LOC400499: variants seen among roughly 807,000 people sequenced by gnomAD.
At chr16:11,483,007 T>C in the LOC400499 span, among the ~76,000 whole-genome samples, 6 of 152,208 alleles carry the variant, frequency 3.9e-5, no homozygotes, top group South Asian at 1.2e-3. Flanking sequence ...GCAAAAGATT[T>C]GAATGTACAT....
the LOC400499 span, among the ~76,000 whole-genome samples, chr16:11,421,252 G>C: frequency 1.3e-5 from 2 of 152,160 alleles, no homozygotes; most frequent in African/African-American, 4.8e-5. Context: ...GGAAAACTGA[G>C]GCCTGAGCCC....
the LOC400499 span, chr16:11,448,010 G>A: frequency 2.0e-6 from 3 of 1,536,078 alleles, no homozygotes; most frequent in East Asian, 4.9e-5. Flanking sequence ...TCCAACTGCA[G>A]GCCCCGAGGC....
chr16:11,402,850 G>C, the LOC400499 span, among the ~76,000 whole-genome samples: 1 of 152,084 alleles, frequency 6.6e-6, no homozygotes, highest in African/African-American at 2.4e-5. Context: ...GCTGATGGGG[G>C]CAGCCGCAAC....
the LOC400499 span, chr16:11,399,444 T>G: frequency 2.5e-6 from 1 of 405,776 alleles, no homozygotes; most frequent in Non-Finnish European, 4.3e-6. Flanking sequence ...GGGGGTTCCC[T>G]GCCCAGACGC....
At chr16:11,471,691 T>C in the LOC400499 span, 3 of 399,012 alleles carry the variant, frequency 7.5e-6, no homozygotes, top group East Asian at 3.6e-5. Context: ...CAGCAGGTAC[T>C]GTCGGAGCCC....
At chr16:11,484,711 T>TA in the LOC400499 span, among the ~76,000 whole-genome samples, 6 of 152,170 alleles carry the variant, frequency 3.9e-5, no homozygotes, top group Non-Finnish European at 8.8e-5. Context: ...TTTTTCCAAA[T>TA]AAAGCCAGCT....
At chr16:11,377,094 T>C in the LOC400499 span, among the ~76,000 whole-genome samples, 3 of 152,122 alleles carry the variant, frequency 2.0e-5, no homozygotes, top group African/African-American at 7.2e-5. Context: ...GCTGAGACTA[T>C]AGGCGTGCAC....
the LOC400499 span, among the ~76,000 whole-genome samples, chr16:11,406,501 C>T: frequency 2.6e-5 from 4 of 152,232 alleles, no homozygotes; most frequent in Non-Finnish European, 5.9e-5. Flanking sequence ...GGCGCAATCT[C>T]GGCTCACTGC....
chr16:11,417,022 G>C, the LOC400499 span, among the ~76,000 whole-genome samples: 2 of 152,150 alleles, frequency 1.3e-5, no homozygotes, highest in African/African-American at 4.8e-5. Flanking sequence ...TATGCAGTAA[G>C]TGCTCAGCCA....
the LOC400499 span, among the ~76,000 whole-genome samples, chr16:11,483,994 CTTTTTTTTTTTTTT>C: frequency 1.1e-4 from 4 of 34,824 alleles, no homozygotes; most frequent in Admixed American, 1.1e-3. Context: ...GAGGAAGGGA[CTTTTTTTTTTTTTT>C]TTTTTTTTTT....
At chr16:11,383,720 G>A in the LOC400499 span, 47 of 1,232,386 alleles carry the variant, frequency 3.8e-5, no homozygotes, top group Non-Finnish European at 4.6e-5. Flanking sequence ...TTGCAGGCAG[G>A]CTGGAGCTCC....
chr16:11,383,930 A>C, the LOC400499 span: 2 of 1,231,902 alleles, frequency 1.6e-6, no homozygotes, highest in Non-Finnish European at 2.0e-6. Context: ...CCCTCGAAGA[A>C]GGCCCAGCAG....
chr16:11,516,436 C>T, the LOC400499 span: 4 of 397,646 alleles, frequency 1.0e-5, no homozygotes, highest in Admixed American at 8.8e-5. Context: ...GGGAACCCCA[C>T]ATCCCCCCAC....
chr16:11,450,666 C>G, the LOC400499 span: 4 of 1,536,176 alleles, frequency 2.6e-6, no homozygotes, highest in Non-Finnish European at 2.6e-6. Context: ...TGTTGGGGCC[C>G]TGACTCCTGC....
chr16:11,494,668 G>T, the LOC400499 span: 1 of 399,472 alleles, frequency 2.5e-6, no homozygotes, highest in Non-Finnish European at 4.4e-6. Flanking sequence ...GCAGCTGGCC[G>T]CAGGGCCCGT....
At chr16:11,481,042 T>C in the LOC400499 span, among the ~76,000 whole-genome samples, 1 of 152,258 alleles carries the variant, frequency 6.6e-6, no homozygotes, top group Non-Finnish European at 1.5e-5. Flanking sequence ...AGTACTGAGC[T>C]ACGCTACAAT....
the LOC400499 span, chr16:11,515,894 TAG>T: frequency 6.1e-5 from 1 of 16,388 alleles, no homozygotes. Context: ...CAGCCCAGCC[TAG>T]CCCAGCCCAG....
the LOC400499 span, chr16:11,392,684 C>G: frequency 1.3e-6 from 1 of 779,874 alleles, no homozygotes; most frequent in African/African-American, 1.9e-5. Flanking sequence ...CTTCTGTCCC[C>G]TCCCCCGACA....
At chr16:11,419,251 G>C in the LOC400499 span, among the ~76,000 whole-genome samples, 1 of 151,844 alleles carries the variant, frequency 6.6e-6, no homozygotes, top group Admixed American at 6.6e-5. Flanking sequence ...CCAAAACAGA[G>C]ATATAGATCA....
Sources: gnomAD v4.1 joint callset for allele counts (sites outside exome capture counted in the v4.1 genomes callset) on GRCh38, gnomAD v4.1.1 for gene constraint, MANE v1.5 for transcripts.